ATP2C1: variants seen among roughly 807,000 people sequenced by gnomAD.
The protein encoded by ATP2C1 is ATPase secretory pathway Ca2+ transporting 1.
In ATP2C1, 31 loss-of-function variants were observed where a neutral mutation model predicts 120.5. That is an observed-to-expected ratio of 0.26 (90% CI 0.19 to 0.35). The LOEUF (loss-of-function observed/expected upper bound fraction) is 0.35. Among genes scored for constraint, ATP2C1 ranks in the 10% least tolerant of loss-of-function variants. The pLI, the probability that ATP2C1 is intolerant of heterozygous loss-of-function variation, is 1.00. For missense variants in ATP2C1, 731 were observed against 1,107.5 expected, an observed-to-expected ratio of 0.66 and a Z score of 4.83; for synonymous variants, 351 against 358.7, an observed-to-expected ratio of 0.98 and a Z score of 0.24.
intron 2 of ATP2C1, among the ~76,000 whole-genome samples, chr3:130,927,519 G>T (rs979411435): frequency 6.6e-6 from 1 of 152,166 alleles, no homozygotes; most frequent in African/African-American, 2.4e-5. Context: ...GGGATTACAG[G>T]CGTGAACCAC....
At chr3:130,884,139 C>A (rs1415456352) in intron 1 of ATP2C1, among the ~76,000 whole-genome samples, 1 of 151,674 alleles carries the variant, frequency 6.6e-6, no homozygotes, top group African/African-American at 2.4e-5. Context: ...GGGGGTTTCA[C>A]GACATTGGCC....
intron 14 of ATP2C1, among the ~76,000 whole-genome samples, chr3:130,965,886 A>G (rs2061027242): frequency 6.6e-6 from 1 of 152,144 alleles, no homozygotes; most frequent in African/African-American, 2.4e-5. Flanking sequence ...AGCCTGCTTC[A>G]TAGTAATAAA....
chr3:130,860,872 T>G, intron 1 of ATP2C1, among the ~76,000 whole-genome samples: 1 of 152,230 alleles, frequency 6.6e-6, no homozygotes, highest in East Asian at 1.9e-4. Context: ...ATACCTTAAA[T>G]CTTTTTTAGA....
chr3:130,996,415 T>C, intron 23 of ATP2C1: 1 of 579,982 alleles, frequency 1.7e-6, no homozygotes, highest in Middle Eastern at 4.6e-4. Flanking sequence ...TATTGTGTAG[T>C]CAAAGAACAG....
At chr3:131,007,123 C>G (rs573607927), downstream of ATP2C1, among the ~76,000 whole-genome samples, 178 of 152,238 alleles carry the variant, frequency 1.2e-3, no homozygotes, top group African/African-American at 4.1e-3. Context: ...AATTAAATGT[C>G]AAAGTTTGGG....
At chr3:130,914,621 CTTCT>C (rs1227455934) in intron 2 of ATP2C1, among the ~76,000 whole-genome samples, 1 of 152,172 alleles carries the variant, frequency 6.6e-6, no homozygotes, top group Non-Finnish European at 1.5e-5. Context: ...AACTCTTGAT[CTTCT>C]GCTTTAGCCT....
intron 2 of ATP2C1, among the ~76,000 whole-genome samples, chr3:130,896,970 A>G (rs1395715778): frequency 6.6e-6 from 1 of 152,232 alleles, no homozygotes; most frequent in East Asian, 1.9e-4. Context: ...TTCATAAAAT[A>G]AAGATAATGA....
chr3:131,002,316 G>T lies in ATP2C1; in HGVS notation c.*966G>T. 1.0e-6 allele frequency: 1 copy of T among 984,000 alleles called. No individual in the cohort carries two copies. Among genetic ancestry groups the T allele is most frequent in the Non-Finnish European group, 1.2e-6 (1 of 828,684 alleles). 61.0% of individuals were successfully genotyped at this position (984,000 alleles called of 1,614,324 possible). On this transcript the variant is annotated 3_prime_UTR_variant, in exon 28 of 28. Coordinates refer to ENST00000510168, the MANE Select transcript of ATP2C1 (RefSeq NM_001378687.1). The stretch of plus-strand genomic sequence containing the variant: ...TGTTTTTAATCATATTTCTTAGGAA[G>T]TATAGGCTACTGGACTTAGAATAAA...
chr3:130,883,727 G>C (rs974769921), intron 1 of ATP2C1, among the ~76,000 whole-genome samples: 3 of 151,936 alleles, frequency 2.0e-5, no homozygotes, highest in Middle Eastern at 3.2e-3. Context: ...AAAGTGCCGG[G>C]ATCACTCATG....
intron 2 of ATP2C1, among the ~76,000 whole-genome samples, chr3:130,906,821 T>C (rs2058148006): frequency 3.3e-5 from 5 of 151,982 alleles, no homozygotes; most frequent in Admixed American, 2.6e-4. Context: ...TGGACTCTTA[T>C]CTCACAGCAT....
intron 1 of ATP2C1, among the ~76,000 whole-genome samples, chr3:130,854,590 G>T (rs1036648319): frequency 1.3e-5 from 2 of 152,164 alleles, no homozygotes; most frequent in Non-Finnish European, 2.9e-5. Context: ...GTGTGGAAGG[G>T]AGAATTTGCT....
chr3:130,893,836 G>T (rs2069304701), upstream of ATP2C1: 1 of 723,658 alleles, frequency 1.4e-6, no homozygotes, highest in South Asian at 6.2e-5. Flanking sequence ...AGAACAAGGC[G>T]GGCCACCAAC....
In ATP2C1 at chr3:130,884,810, G is replaced by A. The variant is rs543892676; in HGVS notation, c.108+33882G>A. On this transcript the variant is annotated intron_variant, in intron 1 of 26. Transcript: ENST00000504381. The stretch of plus-strand genomic sequence containing the variant: ...AAGAAAACTATTTTGTCTGATATAA[G>A]CATAGCTACTCCTGCTCTTTTTTGG... Among the ~76,000 whole-genome samples the A allele has an allele frequency of 2.6e-5, 4 of 151,998 alleles. No homozygotes were observed. In the East Asian group the frequency reaches 5.8e-4, roughly 22 times the overall value.
In ATP2C1 at chr3:130,863,435, A is replaced by AAC. The variant is rs574389083; in HGVS notation, c.108+12521_108+12522dup. On this transcript the variant is annotated intron_variant, in intron 1 of 26. Transcript: ENST00000504381. ...TACTATTCTTCCAAGCAGACCAGTT[A>AAC]ACACACACACACACAGAGAAAGACT... is the stretch of plus-strand genomic sequence containing the variant. 2.0e-3 allele frequency among the ~76,000 whole-genome samples: 305 copies of AAC among 151,698 alleles called. 5 individuals carry two copies. Among genetic ancestry groups the AAC allele is most frequent in the East Asian group, 0.013 (68 of 5,176 alleles).
intron 4 of ATP2C1, among the ~76,000 whole-genome samples, chr3:130,933,928 A>G (rs552311978): frequency 5.9e-5 from 9 of 152,194 alleles, no homozygotes; most frequent in South Asian, 2.1e-4. Flanking sequence ...TTACTTTGCA[A>G]CTTTGACAGT....
Position 130,902,304 on chromosome 3 carries a change from T to G in ATP2C1, c.6+7529T>G, listed in dbSNP as rs372866637. ...TTCACGTTTTTTTTTTTTGTTTTTT[T>G]TTTTTTTTTTTTTTTTTTCTGAGAG... On this transcript the variant is annotated intron_variant, in intron 2 of 27. Coordinates refer to ENST00000510168, the MANE Select transcript of ATP2C1 (RefSeq NM_001378687.1). Among the ~76,000 whole-genome samples the G allele has an allele frequency of 8.0e-5, 11 of 137,960 alleles. No homozygotes were observed. The East Asian group carries it at 2.0e-3, about 25-fold the overall frequency. The allele number at this position is 137,960 out of a possible 152,430, so 90.5% of individuals were successfully genotyped here.
chr3:131,005,263 A>G (rs1186099857), downstream of ATP2C1, among the ~76,000 whole-genome samples: 2 of 151,698 alleles, frequency 1.3e-5, no homozygotes, highest in Non-Finnish European at 2.9e-5. Flanking sequence ...TTACAGGTGC[A>G]CACCACCATG....
At chr3:130,941,268 G>GTGTC (rs1559951939) in intron 7 of ATP2C1, among the ~76,000 whole-genome samples, 1 of 149,946 alleles carries the variant, frequency 6.7e-6, no homozygotes, top group East Asian at 2.0e-4. Context: ...GTGTGTGTCT[G>GTGTC]TGTGTGTGCG....
At chr3:130,889,484 C>T (rs1214147798), upstream of ATP2C1, among the ~76,000 whole-genome samples, 4 of 152,202 alleles carry the variant, frequency 2.6e-5, no homozygotes, top group African/African-American at 9.6e-5. Context: ...CAAATGGTTA[C>T]CTGGGCTCAA....
Sources: allele counts gnomAD v4.1 joint callset (sites outside exome capture counted in the v4.1 genomes callset), GRCh38; gene constraint gnomAD v4.1.1; transcripts MANE v1.5; gene names NCBI Gene and HGNC (gene_info 2026-07-23, HGNC 2026-07-21).